The following ANO3 variants were observed in gnomAD, a reference collection of about 807,000 sequenced individuals.
The protein encoded by ANO3 is anoctamin 3.
A neutral mutation model predicts 144.8 loss-of-function variants in ANO3; 99 were observed. The ratio of observed to expected loss-of-function variants is 0.68; its 90% CI spans 0.58 to 0.81. ANO3 has a LOEUF of 0.81. Ranked by LOEUF, ANO3 falls within the 30% of genes least tolerant of loss-of-function variation. ANO3 has a pLI of 0.00. For missense variants in ANO3, 905 were observed against 1,202.2 expected (o/e 0.75, Z 3.66); for synonymous variants, 414 against 392.6 (o/e 1.05, Z -0.64).
chr11:26,363,590 G>T (rs1855983683), intron 1 of ANO3, among the ~76,000 whole-genome samples: 1 of 152,100 alleles, frequency 6.6e-6, no homozygotes, highest in East Asian at 1.9e-4. Flanking sequence ...CCTCTTTAAA[G>T]GGCATATCTC....
At chr11:26,284,270 G>A (rs1853750230) in intron 1 of ANO3, among the ~76,000 whole-genome samples, 1 of 152,208 alleles carries the variant, frequency 6.6e-6, no homozygotes, top group Non-Finnish European at 1.5e-5. Flanking sequence ...AGAGGTGATG[G>A]TGGTTTGGGC....
chr11:26,578,191 A>G (rs1041104385), intron 14 of ANO3, among the ~76,000 whole-genome samples: 2 of 152,206 alleles, frequency 1.3e-5, no homozygotes, highest in Non-Finnish European at 2.9e-5. Flanking sequence ...ACATGAGTTT[A>G]AAATCTTCAT....
chr11:26,338,506 A>AAGCTGGCCACCCCAGCCAGCAGC (rs1250666076), intron 1 of ANO3, among the ~76,000 whole-genome samples: 2 of 152,144 alleles, frequency 1.3e-5, no homozygotes, highest in Non-Finnish European at 2.9e-5. Flanking sequence ...AAGGGAACAA[A>AAGCTGGCCACCCCAGCCAGCAGC]AGCTGGCCAC....
chr11:26,334,030 T>C (rs1265638082), intron 1 of ANO3, among the ~76,000 whole-genome samples: 1 of 152,190 alleles, frequency 6.6e-6, no homozygotes, highest in African/African-American at 2.4e-5. Flanking sequence ...ATGTATTATG[T>C]ATGGATACAT....
At chr11:26,223,756 G>T (rs529291558) in intron 1 of ANO3, among the ~76,000 whole-genome samples, 1 of 151,958 alleles carries the variant, frequency 6.6e-6, no homozygotes, top group East Asian at 2.0e-4. Flanking sequence ...ATGGCACAAA[G>T]TCAAGCAGGA....
chr11:26,654,286 T>TGTG (rs1193058258), intron 24 of ANO3, among the ~76,000 whole-genome samples: 2 of 152,144 alleles, frequency 1.3e-5, no homozygotes, highest in East Asian at 3.9e-4. Context: ...CTCTGAGACA[T>TGTG]GTGGTTTGGT....
intron 1 of ANO3, among the ~76,000 whole-genome samples, chr11:26,278,334 T>C (rs1219933236): frequency 6.6e-6 from 1 of 152,134 alleles, no homozygotes; most frequent in African/African-American, 2.4e-5. Flanking sequence ...GGACTGCTAC[T>C]TGCTACCCTA....
chr11:26,594,074 G>T (rs1851534853), intron 14 of ANO3, among the ~76,000 whole-genome samples: 1 of 152,084 alleles, frequency 6.6e-6, no homozygotes. Flanking sequence ...CTTCCCCAAT[G>T]CCTCCCTTAG....
chr11:26,574,517 A>G (rs1850937058), intron 14 of ANO3, among the ~76,000 whole-genome samples: 1 of 152,188 alleles, frequency 6.6e-6, no homozygotes, highest in Non-Finnish European at 1.5e-5. Flanking sequence ...ATAGGGACAT[A>G]GGTACTTTAA....
At chr11:26,212,099 C>T (rs1241001191) in intron 1 of ANO3, among the ~76,000 whole-genome samples, 1 of 151,986 alleles carries the variant, frequency 6.6e-6, no homozygotes, top group Non-Finnish European at 1.5e-5. Context: ...AGGAGAAATA[C>T]CTAATGTAGG....
intron 4 of ANO3, among the ~76,000 whole-genome samples, chr11:26,487,075 C>T (rs1205292787): frequency 6.6e-6 from 1 of 152,158 alleles, no homozygotes; most frequent in African/African-American, 2.4e-5. Flanking sequence ...AGAAATCAGT[C>T]ACAACAGTCT....
At chr11:26,532,833 C>G (rs139795384) in intron 8 of ANO3, among the ~76,000 whole-genome samples, 109 of 151,852 alleles carry the variant, frequency 7.2e-4, no homozygotes, top group African/African-American at 2.5e-3. Flanking sequence ...ATTTTCTATC[C>G]CAGTATACAG....
At chr11:26,511,291 G>A (rs1861654598) in intron 5 of ANO3, among the ~76,000 whole-genome samples, 1 of 152,166 alleles carries the variant, frequency 6.6e-6, no homozygotes, top group South Asian at 2.1e-4. Flanking sequence ...TAGTTTTGAA[G>A]CCGAGTTGGG....
intron 22 of ANO3, among the ~76,000 whole-genome samples, chr11:26,642,830 T>G (rs1853213051): frequency 1.7e-5 from 1 of 60,492 alleles, no homozygotes; most frequent in Non-Finnish European, 5.2e-5. Flanking sequence ...CTCCTCCATC[T>G]CTTATTCTTT....
chr11:26,254,777 T>C (rs1016749669), intron 1 of ANO3, among the ~76,000 whole-genome samples: 8 of 152,158 alleles, frequency 5.3e-5, no homozygotes, highest in Non-Finnish European at 7.4e-5. Flanking sequence ...AACTGAGTAA[T>C]TTTGGATTAA....
chr11:26,542,877 A>G (rs1849680613), intron 11 of ANO3, among the ~76,000 whole-genome samples: 1 of 151,888 alleles, frequency 6.6e-6, no homozygotes, highest in Non-Finnish European at 1.5e-5. Flanking sequence ...ATATTAATAT[A>G]TGTTAATATT....
chr11:26,193,573 A>G (rs1268432554), intron 1 of ANO3, among the ~76,000 whole-genome samples: 1 of 152,214 alleles, frequency 6.6e-6, no homozygotes, highest in Non-Finnish European at 1.5e-5. Flanking sequence ...TTGAGATCTC[A>G]AAAGCAAATA....
At chr11:26,608,025 G>C (rs1851984222) in intron 17 of ANO3, among the ~76,000 whole-genome samples, 1 of 152,150 alleles carries the variant, frequency 6.6e-6, no homozygotes, top group South Asian at 2.1e-4. Context: ...CTGGCCTTTT[G>C]GGTTTTCAGC....
At chr11:26,602,316 A>G (rs538534714) in intron 17 of ANO3, among the ~76,000 whole-genome samples, 28 of 152,280 alleles carry the variant, frequency 1.8e-4, no homozygotes, top group South Asian at 6.2e-4. Flanking sequence ...GAGTATGGAT[A>G]TGATGTTGTT....
Sources: allele counts gnomAD v4.1 joint callset (sites outside exome capture counted in the v4.1 genomes callset), GRCh38; gene constraint gnomAD v4.1.1; transcripts MANE v1.5; gene names NCBI Gene and HGNC (gene_info 2026-07-23, HGNC 2026-07-21).